Variants in MAP7 observed in about 807,000 individuals in gnomAD.
MAP7 encodes the protein ensconsin.
MAP7 carries 52 observed loss-of-function variants against 94.8 expected under a neutral mutation model. The observed-to-expected ratio is 0.55, with a 90% CI of 0.44 to 0.69. The LOEUF is 0.69. MAP7 is among the 30% of genes least tolerant of loss of function. The probability of loss-of-function intolerance (pLI) is 0.00; values close to 1 mark genes in which losing one functional copy is unlikely to be tolerated. For synonymous variants in MAP7, 350 were observed against 357.0 expected, an observed-to-expected ratio of 0.98 and a Z score of 0.22; for missense variants, 940 against 964.6, an observed-to-expected ratio of 0.97 and a Z score of 0.34.
chr6:136,436,438 G>A (rs563992819), intron 1 of MAP7, among the ~76,000 whole-genome samples: 32 of 151,796 alleles, frequency 2.1e-4, no homozygotes, highest in African/African-American at 7.5e-4. Flanking sequence ...GGAGTGCAGT[G>A]GTGTGATCAT....
intron 1 of MAP7, chr6:136,525,759 A>G (rs1475373832): frequency 6.9e-7 from 1 of 1,455,650 alleles, no homozygotes; most frequent in African/African-American, 1.4e-5. Flanking sequence ...CACAGTTTAT[A>G]AAACGTTCTA....
chr6:136,432,883 T>C (rs1410316367), intron 1 of MAP7, among the ~76,000 whole-genome samples: 1 of 152,186 alleles, frequency 6.6e-6, no homozygotes, highest in Non-Finnish European at 1.5e-5. Context: ...CCATTTATTC[T>C]TTTTATCTTA....
intron 1 of MAP7, among the ~76,000 whole-genome samples, chr6:136,486,260 T>C (rs916415606): frequency 6.6e-6 from 1 of 152,122 alleles, no homozygotes; most frequent in Non-Finnish European, 1.5e-5. Context: ...TTAATGAAGA[T>C]CTACATTATG....
chr6:136,395,886 G>A (rs1326474968), intron 3 of MAP7, among the ~76,000 whole-genome samples: 3 of 152,050 alleles, frequency 2.0e-5, no homozygotes, highest in Admixed American at 6.6e-5. Context: ...ATTTATTTCC[G>A]AGTTCTCTAT....
intron 1 of MAP7, among the ~76,000 whole-genome samples, chr6:136,538,131 T>A (rs1050572845): frequency 6.6e-6 from 1 of 152,204 alleles, no homozygotes; most frequent in Non-Finnish European, 1.5e-5. Context: ...GAACAAGATA[T>A]CATTTTCTTA....
At chr6:136,390,579 G>A (rs936829385) in intron 3 of MAP7, among the ~76,000 whole-genome samples, 4 of 152,158 alleles carry the variant, frequency 2.6e-5, no homozygotes, top group African/African-American at 9.7e-5. Context: ...CTTGAACTTG[G>A]GAGGCGGATG....
At chr6:136,459,445 G>C (rs1272147173) in intron 1 of MAP7, among the ~76,000 whole-genome samples, 1 of 152,048 alleles carries the variant, frequency 6.6e-6, no homozygotes, top group African/African-American at 2.4e-5. Context: ...ACCTCAAAGG[G>C]ATATGTACAC....
Position 136,356,708 on chromosome 6 carries a change from T to C in MAP7, c.1999A>G (p.Lys667Glu). The C allele has an allele frequency of 6.2e-7, 1 of 1,614,128 alleles. No homozygotes were observed. The highest frequency in any genetic ancestry group is 1.7e-4 in the Middle Eastern group (1 of 6,054). ...AAAACTCACCTCTCCACTGTCACTT[T>C]TGACTGGTGTGAGGTAACCACATGT... The part of the protein sequence containing the change: ...SPHVVTSHQS[K>E]VTVESTPDLE... The change falls in exon 16 of 18, where the codon AAA (lysine) becomes GAA (glutamate). Residue 667 changes from lysine to glutamate, a missense_variant. Physicochemically the swap from Lys to Glu is moderately conservative, Grantham distance 56. Coordinates refer to ENST00000354570, the MANE Select transcript of MAP7 (RefSeq NM_003980.6).
At chr6:136,532,648 GCTT>G (rs1828564411) in intron 1 of MAP7, among the ~76,000 whole-genome samples, 1 of 150,856 alleles carries the variant, frequency 6.6e-6, no homozygotes, top group Non-Finnish European at 1.5e-5. Context: ...AATCTCTAGA[GCTT>G]CTTCTGATCC....
At chr6:136,435,256 A>C (rs2128820441) in intron 1 of MAP7, among the ~76,000 whole-genome samples, 1 of 152,284 alleles carries the variant, frequency 6.6e-6, no homozygotes, top group South Asian at 2.1e-4. Flanking sequence ...TACTGAGTGG[A>C]GGTTGGGAGG....
At chr6:136,372,721 C>G (rs1774932679) in intron 7 of MAP7, 96 bp from the exon 8 acceptor site, 1 of 1,523,498 alleles carries the variant, frequency 6.6e-7, no homozygotes, top group African/African-American at 1.4e-5. Flanking sequence ...AAAGCAGGTT[C>G]AGGAAAAGGA....
intron 1 of MAP7, among the ~76,000 whole-genome samples, chr6:136,537,611 C>A (rs1280163049): frequency 6.6e-6 from 1 of 152,090 alleles, no homozygotes; most frequent in Non-Finnish European, 1.5e-5. Flanking sequence ...TAATTCAGTT[C>A]TATTTTTACT....
chr6:136,354,434 A>G (rs1582645579), intron 16 of MAP7, among the ~76,000 whole-genome samples: 1 of 142,230 alleles, frequency 7.0e-6, no homozygotes, highest in East Asian at 2.0e-4. Flanking sequence ...TATATAGTAG[A>G]TATATATATA....
intron 1 of MAP7, among the ~76,000 whole-genome samples, chr6:136,448,265 A>G (rs1799952903): frequency 6.6e-6 from 1 of 152,176 alleles, no homozygotes; most frequent in Admixed American, 6.5e-5. Flanking sequence ...TTAGGCAACA[A>G]TGCTCTGGTG....
At chr6:136,543,606 T>C (rs1829495965) in intron 1 of MAP7, among the ~76,000 whole-genome samples, 1 of 152,104 alleles carries the variant, frequency 6.6e-6, no homozygotes, top group Admixed American at 6.5e-5. Context: ...TGAGCTGAGA[T>C]TGTGCCATTG....
chr6:136,367,019 T>C (rs1179090474), intron 8 of MAP7, among the ~76,000 whole-genome samples: 1 of 152,214 alleles, frequency 6.6e-6, no homozygotes, highest in Non-Finnish European at 1.5e-5. Context: ...ATAGGTGATT[T>C]TGAAGAAAAG....
rs886484607 is a variant in MAP7 at position 136,482,556 on chromosome 6, G to A, written c.68-60757C>T. Among the ~76,000 whole-genome samples, 34 of 151,504 alleles carry A rather than the reference G, an allele frequency of 2.2e-4. 1 individual carries two copies. Among genetic ancestry groups the A allele is most frequent in the South Asian group, 4.2e-4 (2 of 4,804 alleles). On this transcript the variant is annotated intron_variant, in intron 1 of 17. Coordinates refer to ENST00000354570, the MANE Select transcript of MAP7 (RefSeq NM_003980.6). ...GCAGGGGTTGCAGTGAGCCAAGATC[G>A]TGCCACCACACTCTAGCCTGGGCAA...
chr6:136,442,775 T>C (rs188263526), intron 1 of MAP7, among the ~76,000 whole-genome samples: 11 of 152,312 alleles, frequency 7.2e-5, no homozygotes, highest in Admixed American at 7.2e-4. Flanking sequence ...GTGTTGTTGA[T>C]GGGCTTCAGC....
intron 1 of MAP7, among the ~76,000 whole-genome samples, chr6:136,539,035 C>T (rs544624621): frequency 6.6e-6 from 1 of 152,206 alleles, no homozygotes; most frequent in South Asian, 2.1e-4. Context: ...GATGCCTTCA[C>T]TATGGAGAGC....
Sources: gnomAD v4.1 joint callset for allele counts (sites outside exome capture counted in the v4.1 genomes callset) on GRCh38, gnomAD v4.1.1 for gene constraint, MANE v1.5 for transcripts, NCBI Gene and HGNC (gene_info 2026-07-23, HGNC 2026-07-21) for gene names.